Variants in ZNF469 observed in about 807,000 individuals in gnomAD.
ZNF469 encodes the protein zinc finger protein 469.
ZNF469 carries 1 observed loss-of-function variant against 1.0 expected under a neutral mutation model. That is an observed-to-expected ratio of 1.00 (90% CI 0.35 to 4.73). The LOEUF is 4.73. ZNF469 is among the 30% of genes most tolerant of loss of function. ZNF469 has a pLI of 0.16. For synonymous variants in ZNF469, 2,703 were observed against 2,363.4 expected (o/e 1.14, Z -4.17); for missense variants, 6,100 against 5,356.3 (o/e 1.14, Z -4.33).
chr16:88,429,159 C>T lies in ZNF469; in HGVS notation c.1689C>T (p.Phe563=), dbSNP rs751136702. The change falls in exon 3 of 3, where the codon TTC becomes TTT. Residue 563 remains phenylalanine (F), a synonymous_variant. Transcript: ENST00000565624. ...ACCCTGGGGCTCAGCCCCTGTTCTT[C>T]GGGGTGGCCCAGCCCCAGGTTTCAC... ...MTDPGAQPLF[F]GVAQPQVSPH... 2.4e-4 allele frequency: 379 copies of T among 1,549,800 alleles called. No homozygotes were observed. The highest frequency in any genetic ancestry group is 3.3e-4 in the Middle Eastern group (2 of 6,014).
the ZNF469 span, among the ~76,000 whole-genome samples, chr16:88,188,230 C>T: frequency 1.2e-4 from 19 of 152,154 alleles, no homozygotes; most frequent in East Asian, 3.7e-3. Context: ...CCTGTGACAC[C>T]CCAACACCTC....
In ZNF469 at chr16:88,429,692, G is replaced by A. The variant is rs927053567; in HGVS notation, c.2222G>A (p.Ser741Asn). The A allele has an allele frequency of 3.2e-6, 5 of 1,542,824 alleles. No individual in the cohort carries two copies. The highest frequency in any genetic ancestry group is 3.5e-6 in the Non-Finnish European group (4 of 1,142,208). ...LTCRQCDRNYSSLAAFLAHRQ... is the reference protein window; with the variant it reads ...LTCRQCDRNYNSLAAFLAHRQ... ...TGCAGGCAGTGTGACCGCAACTACA[G>A]CAGCCTGGCGGCCTTCCTGGCCCAC... Residue 741 changes from serine to asparagine, a missense_variant, in exon 3 of 3, where the codon AGC becomes AAC. Coordinates refer to ENST00000565624, the MANE Select transcript of ZNF469 (RefSeq NM_001367624.2).
chr16:88,225,166 C>G, the ZNF469 span, among the ~76,000 whole-genome samples: 2 of 152,264 alleles, frequency 1.3e-5, no homozygotes, highest in South Asian at 4.1e-4. Flanking sequence ...TCCCCACTGG[C>G]TTCCTCAGGC....
the ZNF469 span, among the ~76,000 whole-genome samples, chr16:88,257,465 CTT>C: frequency 6.6e-6 from 1 of 152,122 alleles, no homozygotes; most frequent in Non-Finnish European, 1.5e-5. Flanking sequence ...TGTGGCTTGT[CTT>C]TTCATTTTTT....
the ZNF469 span, among the ~76,000 whole-genome samples, chr16:88,240,360 G>A: frequency 6.6e-6 from 1 of 152,176 alleles, no homozygotes; most frequent in African/African-American, 2.4e-5. Context: ...TGGAGGGAGG[G>A]AATGAGAGAG....
Position 88,436,727 on chromosome 16 carries a change from G to A in ZNF469, c.9257G>A (p.Gly3086Glu). The change falls in exon 3 of 3, where the codon GGG (glycine) becomes GAG (glutamate). Residue 3086 changes from glycine to glutamate, a missense_variant. Physicochemically the swap from Gly to Glu is moderately conservative, Grantham distance 98. Coordinates refer to ENST00000565624, the MANE Select transcript of ZNF469 (RefSeq NM_001367624.2). ...LDFEGTASSQ[G>E]PQSRRTEEAA... ...TTCGAGGGCACGGCGAGCTCACAGG[G>A]GCCACAGAGCCGAAGGACAGAGGAG... is the stretch of plus-strand genomic sequence containing the variant. 1.9e-6 allele frequency: 3 copies of A among 1,548,928 alleles called. No homozygotes were observed. The highest frequency in any genetic ancestry group is 2.6e-6 in the Non-Finnish European group (3 of 1,146,246).
At chr16:88,121,039 T>C in the ZNF469 span, among the ~76,000 whole-genome samples, 4 of 150,294 alleles carry the variant, frequency 2.7e-5, no homozygotes, top group African/African-American at 7.4e-5. Context: ...GCACCCGCTA[T>C]GTACTGTGCA....
chr16:88,292,813 A>C, the ZNF469 span, among the ~76,000 whole-genome samples: 186 of 151,616 alleles, frequency 1.2e-3, no homozygotes, highest in African/African-American at 4.1e-3. Context: ...AAAAAAAAAA[A>C]AAAAAACCTC....
Position 88,428,738 on chromosome 16 carries a change from C to G in ZNF469, c.1268C>G (p.Pro423Arg). The G allele has an allele frequency of 6.5e-7, 1 of 1,547,072 alleles. No individual in the cohort carries two copies. The highest frequency in any genetic ancestry group is 1.2e-5 in the South Asian group (1 of 84,048). The change falls in exon 3 of 3, where the codon CCG (proline) becomes CGG (arginine). Residue 423 changes from proline to arginine, a missense_variant. Pro to Arg is a moderately radical substitution (Grantham distance 103, BLOSUM62 -2). Transcript: ENST00000565624. Reference sequence around the variant, plus strand: ...GGGGTGGACACCAGCCCGGGGCCTCCGGACACCGAGCTGGCCGCCCCAGGG... The same window carrying G: ...GGGGTGGACACCAGCCCGGGGCCTCGGGACACCGAGCTGGCCGCCCCAGGG... ...ASGVDTSPGPPDTELAAPGPP... is the reference protein window; with the variant it reads ...ASGVDTSPGPRDTELAAPGPP...
the ZNF469 span, among the ~76,000 whole-genome samples, chr16:88,128,781 C>G: frequency 6.6e-6 from 1 of 152,264 alleles, no homozygotes; most frequent in Admixed American, 6.5e-5. Context: ...TGCTAAGCTT[C>G]CTGGGATAGT....
the ZNF469 span, among the ~76,000 whole-genome samples, chr16:88,307,055 C>G: frequency 3.3e-5 from 5 of 152,202 alleles, 1 homozygote; most frequent in African/African-American, 1.2e-4. Context: ...TTCCTGCCTC[C>G]AAGGTTTCCC....
At chr16:88,296,742 C>G in the ZNF469 span, among the ~76,000 whole-genome samples, 17 of 152,020 alleles carry the variant, frequency 1.1e-4, no homozygotes, top group African/African-American at 3.9e-4. Context: ...CACCCACACA[C>G]ACATACACAG....
chr16:88,183,618 C>T, the ZNF469 span, among the ~76,000 whole-genome samples: 6 of 152,124 alleles, frequency 3.9e-5, no homozygotes, highest in Admixed American at 3.9e-4. Context: ...GGTTGGAGGC[C>T]GGGAAGGGGC....
chr16:88,153,304 C>T, the ZNF469 span, among the ~76,000 whole-genome samples: 15 of 152,308 alleles, frequency 9.8e-5, no homozygotes, highest in East Asian at 2.5e-3. Context: ...GGGCTCCACA[C>T]TGAGCACCCT....
At chr16:88,366,852 A>C in the ZNF469 span, among the ~76,000 whole-genome samples, 2 of 146,450 alleles carry the variant, frequency 1.4e-5, no homozygotes, top group African/African-American at 5.1e-5. Context: ...TACCATCACT[A>C]CCACACCATC....
the ZNF469 span, among the ~76,000 whole-genome samples, chr16:88,268,650 A>G: frequency 6.6e-6 from 1 of 152,198 alleles, no homozygotes; most frequent in East Asian, 1.9e-4. Context: ...CGCCAGCAGG[A>G]CGTGTGGCTG....
the ZNF469 span, among the ~76,000 whole-genome samples, chr16:88,320,197 T>G: frequency 2.0e-4 from 31 of 152,200 alleles, no homozygotes; most frequent in Admixed American, 1.9e-3. Flanking sequence ...AAGTGATAAT[T>G]CCACCCAATT....
At chr16:88,172,791 T>C in the ZNF469 span, among the ~76,000 whole-genome samples, 1 of 152,150 alleles carries the variant, frequency 6.6e-6, no homozygotes, top group Non-Finnish European at 1.5e-5. Context: ...AGCGAAACTT[T>C]TAGAGATAGA....
chr16:88,200,981 G>A, the ZNF469 span, among the ~76,000 whole-genome samples: 1 of 152,356 alleles, frequency 6.6e-6, no homozygotes, highest in South Asian at 2.1e-4. Context: ...GTGTGGGCGA[G>A]AGGGCCGGGC....
Sources: allele counts gnomAD v4.1 joint callset (sites outside exome capture counted in the v4.1 genomes callset), GRCh38; gene constraint gnomAD v4.1.1; transcripts MANE v1.5; gene names NCBI Gene and HGNC (gene_info 2026-07-23, HGNC 2026-07-21).